The following NKAIN3 variants were observed in gnomAD, a reference collection of about 807,000 sequenced individuals.
NKAIN3 encodes the protein sodium/potassium transporting ATPase interacting 3.
Under a neutral mutation model 30.2 loss-of-function variants are expected in NKAIN3, and 25 were observed. The ratio of observed to expected loss-of-function variants is 0.83; its 90% CI spans 0.60 to 1.16. The LOEUF is 1.16. Among genes scored for constraint, NKAIN3 ranks in the 50% most tolerant of loss-of-function variants. NKAIN3 has a pLI of 0.00. For synonymous variants in NKAIN3, 91 were observed against 89.6 expected, an observed-to-expected ratio of 1.02 and a Z score of -0.09; for missense variants, 225 against 254.1, an observed-to-expected ratio of 0.89 and a Z score of 0.78.
intron 5 of NKAIN3, among the ~76,000 whole-genome samples, chr8:62,993,182 T>C (rs1804004228): frequency 1.3e-5 from 2 of 152,134 alleles, no homozygotes; most frequent in African/African-American, 4.8e-5. Flanking sequence ...GGCCAGAACA[T>C]AATCATAGTA....
At chr8:62,393,021 AG>A (rs2129594678) in intron 1 of NKAIN3, among the ~76,000 whole-genome samples, 1 of 152,214 alleles carries the variant, frequency 6.6e-6, no homozygotes, top group Non-Finnish European at 1.5e-5. Context: ...AACATGGTGC[AG>A]GTCTCTAAAT....
chr8:62,684,562 A>G (rs1232359260), intron 3 of NKAIN3, among the ~76,000 whole-genome samples: 2 of 152,166 alleles, frequency 1.3e-5, no homozygotes, highest in Non-Finnish European at 2.9e-5. Flanking sequence ...GCTGGCTCAA[A>G]GCTGTCAGAT....
At chr8:62,637,477 A>G (rs562186640) in intron 3 of NKAIN3, among the ~76,000 whole-genome samples, 1 of 152,302 alleles carries the variant, frequency 6.6e-6, no homozygotes, top group African/African-American at 2.4e-5. Context: ...TGTCTTACAC[A>G]GAAAAAAATA....
In NKAIN3 at chr8:62,890,599, T is replaced by C. The variant is rs191114269; in HGVS notation, c.472-27854T>C. ...AAAGAGCATCCAGGTATGAAATGTA[T>C]ATAAACAAAGAATTAGCATTCCATA... On this transcript the variant is annotated intron_variant, in intron 4 of 6. Transcript: ENST00000623646. Among the ~76,000 whole-genome samples the C allele has an allele frequency of 6.6e-5, 10 of 152,320 alleles. No homozygotes were observed. The East Asian group carries it at 1.9e-3, about 29-fold the overall frequency.
intron 1 of NKAIN3, among the ~76,000 whole-genome samples, chr8:62,539,834 C>A (rs1808785054): frequency 6.6e-6 from 1 of 152,172 alleles, no homozygotes; most frequent in Non-Finnish European, 1.5e-5. Flanking sequence ...CCCACCTCAG[C>A]ATCTGAAAGT....
rs185949557 is a variant in NKAIN3, at chr8:62,442,197, T to G, written c.55-137342T>G. 3.3e-3 allele frequency among the ~76,000 whole-genome samples: 500 copies of G among 152,162 alleles called. 1 individual carries two copies. Among genetic ancestry groups the G allele is most frequent in the Middle Eastern group, 0.024 (7 of 294 alleles). On this transcript the variant is annotated intron_variant, in intron 1 of 6. Transcript: ENST00000623646. Reference sequence around the variant, plus strand: ...TTTAGCTTATCTGTTCCTTGAAAGCTTGCTAGAATTCTTTGTAAAACTATC... The same window carrying G: ...TTTAGCTTATCTGTTCCTTGAAAGCGTGCTAGAATTCTTTGTAAAACTATC...
chr8:62,550,541 C>T (rs972445277), intron 1 of NKAIN3, among the ~76,000 whole-genome samples: 1 of 152,172 alleles, frequency 6.6e-6, no homozygotes, highest in Non-Finnish European at 1.5e-5. Flanking sequence ...GAGACATTCT[C>T]TATGAACAAT....
At chr8:62,852,286 G>A (rs1489792036) in intron 4 of NKAIN3, among the ~76,000 whole-genome samples, 2 of 151,984 alleles carry the variant, frequency 1.3e-5, no homozygotes, top group Non-Finnish European at 1.5e-5. Context: ...TATTTCTGTG[G>A]GATCGGTGGT....
chr8:62,683,697 A>G (rs1001231483), intron 3 of NKAIN3, among the ~76,000 whole-genome samples: 14 of 152,166 alleles, frequency 9.2e-5, no homozygotes, highest in African/African-American at 3.4e-4. Flanking sequence ...CCAGAATCTC[A>G]TAAGCATTTC....
intron 2 of NKAIN3, among the ~76,000 whole-genome samples, chr8:62,584,026 T>G (rs1360614971): frequency 1.3e-5 from 2 of 152,110 alleles, no homozygotes; most frequent in African/African-American, 4.8e-5. Context: ...AATTCTGATA[T>G]TTAAAAAAAC....
At chr8:62,527,966 A>C (rs923338468) in intron 1 of NKAIN3, among the ~76,000 whole-genome samples, 78 of 151,408 alleles carry the variant, frequency 5.2e-4, no homozygotes, top group African/African-American at 1.8e-3. Flanking sequence ...AGAAAGAGAG[A>C]TAGAGATTTT....
intron 1 of NKAIN3, among the ~76,000 whole-genome samples, chr8:62,400,970 G>T (rs1803843442): frequency 6.7e-6 from 1 of 149,366 alleles, no homozygotes; most frequent in African/African-American, 2.5e-5. Context: ...CTCTAGGTTT[G>T]GGAAATTCTC....
At chr8:62,560,761 G>A (rs1291270440) in intron 1 of NKAIN3, among the ~76,000 whole-genome samples, 1 of 151,540 alleles carries the variant, frequency 6.6e-6, no homozygotes, top group African/African-American at 2.4e-5. Context: ...GGCTGACCCT[G>A]AACTCCTGAC....
intron 4 of NKAIN3, among the ~76,000 whole-genome samples, chr8:62,914,929 T>C (rs540147909): frequency 6.6e-6 from 1 of 152,178 alleles, no homozygotes; most frequent in East Asian, 1.9e-4. Context: ...GCATTAGGTA[T>C]TTGTCCTAAT....
At chr8:62,816,627 G>C (rs540359615) in intron 4 of NKAIN3, among the ~76,000 whole-genome samples, 1 of 152,226 alleles carries the variant, frequency 6.6e-6, no homozygotes, top group South Asian at 2.1e-4. Context: ...GTGCGATCAG[G>C]GTGTAGAGTG....
At chr8:62,855,447 T>A in intron 4 of NKAIN3, 1 of 1,191,410 alleles carries the variant, frequency 8.4e-7, no homozygotes, top group South Asian at 1.2e-5. Context: ...TACTTCATCT[T>A]GGGTCTTTTG....
At chr8:62,261,380 A>G (rs556135073) in intron 1 of NKAIN3, among the ~76,000 whole-genome samples, 2 of 152,224 alleles carry the variant, frequency 1.3e-5, no homozygotes, top group Non-Finnish European at 2.9e-5. Context: ...TGGCTAAATG[A>G]TTCAGAACTG....
rs143990399 is a variant in NKAIN3 at position 62,727,762 on chromosome 8, C to T, written c.274-19170C>T. 9.7e-4 allele frequency among the ~76,000 whole-genome samples: 148 copies of T among 152,210 alleles called. 1 individual carries two copies. Among genetic ancestry groups the T allele is most frequent in the African/African-American group, 3.2e-3 (132 of 41,534 alleles). The stretch of plus-strand genomic sequence containing the variant: ...GGCTCAATATTGTCAAGATGTCAGT[C>T]TTTCCCAACTTAGTCTATATATTCA... On this transcript the variant is annotated intron_variant, in intron 3 of 6. Transcript: ENST00000623646.
At chr8:62,508,655 T>C (rs1417190670) in intron 1 of NKAIN3, among the ~76,000 whole-genome samples, 2 of 152,190 alleles carry the variant, frequency 1.3e-5, no homozygotes, top group African/African-American at 4.8e-5. Context: ...AGAATCAATC[T>C]TCTGTAAAGA....
Sources: gnomAD v4.1 joint callset for allele counts (sites outside exome capture counted in the v4.1 genomes callset) on GRCh38, gnomAD v4.1.1 for gene constraint, MANE v1.5 for transcripts, NCBI Gene and HGNC (gene_info 2026-07-23, HGNC 2026-07-21) for gene names.